CAPN8: variants seen among roughly 807,000 people sequenced by gnomAD.
CAPN8 encodes the protein calpain-8.
A neutral mutation model predicts 80.9 loss-of-function variants in CAPN8; 87 were observed. The observed-to-expected ratio is 1.07, with a 90% CI of 0.90 to 1.28. The LOEUF (loss-of-function observed/expected upper bound fraction) is 1.28, where lower values mean the gene tolerates loss of function less well. CAPN8 is among the 50% of genes most tolerant of loss of function. The pLI is 0.00. For synonymous variants in CAPN8, 299 were observed against 273.8 expected (o/e 1.09, Z -0.91); for missense variants, 757 against 702.0 (o/e 1.08, Z -0.89).
intron 15 of CAPN8, chr1:223,549,586 C>T: frequency 2.6e-6 from 2 of 765,998 alleles, no homozygotes; most frequent in Non-Finnish European, 4.5e-6. Flanking sequence ...AACAGACAAG[C>T]ACCAGCATCC....
At position 223,665,426 on chromosome 1, in the gene CAPN8, A is replaced by G. The variant is rs1376970884; in HGVS notation, c.221T>C (p.Ile74Thr). ...GPGSPQTQGIIWKRPTELCPS... is the reference protein window; with the variant it reads ...GPGSPQTQGITWKRPTELCPS... ...CTTCCTTACCGTGGGCCGCTTCCAG[A>G]TGATGCCTTGAGTTTGCGGAGAGCC... Residue 74 changes from isoleucine to threonine, a missense_variant, in exon 1 of 21, where the codon ATC becomes ACC. Coordinates refer to ENST00000366872, the MANE Select transcript of CAPN8 (RefSeq NM_001143962.2). 1.3e-6 allele frequency: 2 copies of G among 1,551,278 alleles called. No homozygotes were observed. The highest frequency in any genetic ancestry group is 1.7e-6 in the Non-Finnish European group (2 of 1,146,508).
intron 2 of CAPN8, among the ~76,000 whole-genome samples, chr1:223,638,788 G>C (rs1218112830): frequency 1.3e-5 from 2 of 152,152 alleles, no homozygotes; most frequent in African/African-American, 4.8e-5. Flanking sequence ...GCCCTGCTCT[G>C]TCCTAATCCA....
intron 14 of CAPN8, 35 bp from the exon 15 acceptor site, chr1:223,551,052 G>A (rs1656774216): frequency 2.8e-6 from 2 of 716,038 alleles, no homozygotes; most frequent in South Asian, 3.0e-5. Context: ...ATCATGTCAG[G>A]CCCTGACAAG....
rs1172479476 is a variant in CAPN8, at chr1:223,620,279, C to G, written c.900-13G>C. The G allele has an allele frequency of 6.4e-7, 1 of 1,550,698 alleles. No individual in the cohort carries two copies. Among genetic ancestry groups the G allele is most frequent in the Non-Finnish European group, 8.7e-7 (1 of 1,146,284 alleles). On this transcript the variant is annotated splice_polypyrimidine_tract_variant and intron_variant, in intron 7 of 20. Transcript: ENST00000366872. ...CCACTCTGGTGCACTGAGGGGAAAA[C>G]AAGCAGAGATGCTCGCTCCTGAGAG...
chr1:223,634,036 A>T (rs1305392717), intron 2 of CAPN8, among the ~76,000 whole-genome samples: 1 of 152,216 alleles, frequency 6.6e-6, no homozygotes, highest in Non-Finnish European at 1.5e-5. Flanking sequence ...AGCAGGGAAC[A>T]TGTATGCCCT....
rs142936411 is a variant in CAPN8 at position 223,649,779 on chromosome 1, G to C, written c.307+4551C>G. On this transcript the variant is annotated intron_variant, in intron 2 of 20. Coordinates refer to ENST00000366872, the MANE Select transcript of CAPN8 (RefSeq NM_001143962.2). Reference sequence around the variant, plus strand: ...TGATAGGCAGGGATTTACACCAACAGATCAAAAGTGCAACAAACATTTATG... The same window carrying C: ...TGATAGGCAGGGATTTACACCAACACATCAAAAGTGCAACAAACATTTATG... Among the ~76,000 whole-genome samples, 29 of 152,310 alleles carry C rather than the reference G, an allele frequency of 1.9e-4. No individual in the cohort carries two copies. The East Asian group carries it at 5.6e-3, about 29-fold the overall frequency.
At position 223,627,128 on chromosome 1, in the gene CAPN8, C is replaced by T. The variant is rs1039528381; in HGVS notation, c.590G>A (p.Gly197Glu). 3 of 1,552,382 alleles carry T rather than the reference C, an allele frequency of 1.9e-6. No homozygotes were observed. The highest frequency in any genetic ancestry group is 2.6e-6 in the Non-Finnish European group (3 of 1,147,142). The change falls in exon 5 of 21, where the codon GGA (glycine) becomes GAA (glutamate). Residue 197 changes from glycine (G) to glutamate (E), a missense_variant. Coordinates refer to ENST00000366872, the MANE Select transcript of CAPN8 (RefSeq NM_001143962.2). ...KLNGCYEALA[G>E]GSTVEGFEDF... ...CTCAAACCCCTCCACTGTGGAACCT[C>T]CAGCGAGAGCCTCATAACAACCATT...
At chr1:223,542,620 C>T (rs1656498810) in intron 20 of CAPN8, among the ~76,000 whole-genome samples, 1 of 152,186 alleles carries the variant, frequency 6.6e-6, no homozygotes, top group Non-Finnish European at 1.5e-5. Flanking sequence ...CCAGTAAAGG[C>T]CTCTGTCGTA....
chr1:223,619,274 A>T lies in CAPN8; in HGVS notation c.1135+19T>A, dbSNP rs1657302388. ...GGATAAGCTGGAGGAGGTTGGGCCA[A>T]GGCAGCCCTTCACCTTACCTGGGTA... On this transcript the variant is annotated intron_variant, in intron 9 of 20. Transcript: ENST00000366872. 6.4e-7 allele frequency: 1 copy of T among 1,551,344 alleles called. No homozygotes were observed. Among genetic ancestry groups the T allele is most frequent in the Non-Finnish European group, 8.7e-7 (1 of 1,146,886 alleles).
At chr1:223,550,268 C>T (rs1656747827) in intron 15 of CAPN8, among the ~76,000 whole-genome samples, 1 of 152,210 alleles carries the variant, frequency 6.6e-6, no homozygotes, top group African/African-American at 2.4e-5. Flanking sequence ...GCCCTGGGTT[C>T]GTCCCTGGGA....
chr1:223,552,685 C>T (rs1453299131), intron 14 of CAPN8, among the ~76,000 whole-genome samples: 2 of 152,146 alleles, frequency 1.3e-5, no homozygotes, highest in African/African-American at 2.4e-5. Context: ...ACCTTGACCC[C>T]GTCGTTCATG....
intron 2 of CAPN8, among the ~76,000 whole-genome samples, chr1:223,640,376 G>A (rs562510390): frequency 3.7e-4 from 57 of 152,254 alleles, no homozygotes; most frequent in African/African-American, 6.0e-4. Flanking sequence ...TTTATTGAGC[G>A]TCTACTGCCT....
At chr1:223,616,453 TG>T (rs1657192197) in intron 9 of CAPN8, among the ~76,000 whole-genome samples, 1 of 152,232 alleles carries the variant, frequency 6.6e-6, no homozygotes, top group African/African-American at 2.4e-5. Flanking sequence ...AGGGCTACAC[TG>T]GGCAGCACTG....
intron 2 of CAPN8, among the ~76,000 whole-genome samples, chr1:223,630,298 CG>C (rs1216673977): frequency 0.025 from 3,053 of 121,878 alleles, 42 homozygotes; most frequent in Non-Finnish European, 0.043. Flanking sequence ...CCCGCTCACT[CG>C]CTCTCTCTCT....
At chr1:223,662,932 T>C (rs1388943299) in intron 1 of CAPN8, among the ~76,000 whole-genome samples, 6 of 152,214 alleles carry the variant, frequency 3.9e-5, no homozygotes, top group African/African-American at 1.4e-4. Context: ...CTGCCTTCTC[T>C]AATGTACCCT....
intron 2 of CAPN8, among the ~76,000 whole-genome samples, chr1:223,643,390 G>T (rs1294405311): frequency 6.6e-6 from 1 of 152,210 alleles, no homozygotes; most frequent in Non-Finnish European, 1.5e-5. Flanking sequence ...GCATCTCCTA[G>T]CAAGATGAGG....
intron 2 of CAPN8, among the ~76,000 whole-genome samples, chr1:223,645,511 G>A (rs1658164541): frequency 6.6e-6 from 1 of 152,200 alleles, no homozygotes; most frequent in East Asian, 1.9e-4. Context: ...ACAAGTCAGA[G>A]AAAATGGGAT....
intron 2 of CAPN8, among the ~76,000 whole-genome samples, chr1:223,649,802 A>G (rs371619948): frequency 1.5e-4 from 23 of 152,344 alleles, no homozygotes; most frequent in African/African-American, 5.5e-4. Flanking sequence ...ACAAACATTT[A>G]TGGAGCCCTG....
rs1572225256 is a variant in CAPN8, at chr1:223,553,839, G to A, written c.1634C>T (p.Ala545Val). 2.5e-6 allele frequency: 1 copy of A among 398,674 alleles called. No individual in the cohort carries two copies. The allele number at this position is 398,674 out of a possible 1,614,324, so 24.7% of individuals were successfully genotyped here. Reference sequence around the variant, plus strand: ...TGTTCGCCCTCCACTCACCTTCCCTGCCAACTTCTCAAACAGCCTCCTGAA... The same window carrying A: ...TGTTCGCCCTCCACTCACCTTCCCTACCAACTTCTCAAACAGCCTCCTGAA... ...DQFRRLFEKL[A>V]GKDSEITANA... is the part of the protein sequence containing the mutation. Residue 545 changes from alanine (A) to valine (V), a missense_variant, in exon 14 of 21, where the codon GCA becomes GTA. Physicochemically the swap from Ala to Val is moderately conservative, Grantham distance 64. Transcript: ENST00000366872.
Sources: allele counts gnomAD v4.1 joint callset (sites outside exome capture counted in the v4.1 genomes callset), GRCh38; gene constraint gnomAD v4.1.1; transcripts MANE v1.5; gene names NCBI Gene and HGNC (gene_info 2026-07-23, HGNC 2026-07-21).